The following PKD1L1 variants were observed in gnomAD, a reference collection of about 807,000 sequenced individuals.
The protein encoded by PKD1L1 is polycystin-1-like protein 1.
In PKD1L1, 236 loss-of-function variants were observed where a neutral mutation model predicts 323.4. That is an observed-to-expected ratio of 0.73 (90% confidence interval 0.66 to 0.81). PKD1L1 has a LOEUF of 0.81. PKD1L1 is among the 40% of genes least tolerant of loss of function. The pLI is 0.00. For synonymous variants in PKD1L1, 1,344 were observed against 1,335.0 expected, an observed-to-expected ratio of 1.01 and a Z score of -0.15; for missense variants, 3,320 against 3,508.0, an observed-to-expected ratio of 0.95 and a Z score of 1.35.
chr7:47,934,299 T>C (rs1787826666), intron 4 of PKD1L1, among the ~76,000 whole-genome samples: 1 of 152,072 alleles, frequency 6.6e-6, no homozygotes, highest in African/African-American at 2.4e-5. Flanking sequence ...AACACAAACA[T>C]GCGTGGACCT....
In PKD1L1 at chr7:47,806,953, C is replaced by T. The variant is rs1901794; in HGVS notation, c.7827+1294G>A. Among the ~76,000 whole-genome samples, 1,111 of 152,078 alleles carry T rather than the reference C, an allele frequency of 7.3e-3. 15 individuals carry two copies. Among genetic ancestry groups the T allele is most frequent in the African/African-American group, 0.026 (1,064 of 41,478 alleles). On this transcript the variant is annotated intron_variant, in intron 52 of 56. Coordinates refer to ENST00000289672, the MANE Select transcript of PKD1L1 (RefSeq NM_138295.5). ...TCCAGGCTCTCTGAACTGGTGCAAGCGGGACACACACAGACAGGATTCTGT... is the reference window on the plus strand; with the variant it reads ...TCCAGGCTCTCTGAACTGGTGCAAGTGGGACACACACAGACAGGATTCTGT...
intron 44 of PKD1L1, 138 bp downstream of exon 44, chr7:47,829,287 C>A (rs376363071): frequency 2.5e-6 from 2 of 799,412 alleles, no homozygotes; most frequent in Admixed American, 6.4e-5. Context: ...TGCAAAGAAG[C>A]ATAAGAAATT....
In PKD1L1 at chr7:47,893,823, T is replaced by C. The variant is rs1486098087; in HGVS notation, c.2453+55A>G. 20 of 1,549,696 alleles carry C rather than the reference T, an allele frequency of 1.3e-5. No homozygotes were observed. In the African/African-American group the frequency reaches 2.3e-4, roughly 18 times the overall value. On this transcript the variant is annotated intron_variant, in intron 15 of 56. Transcript: ENST00000289672. ...GCCTCCAACGTTCCAGAGCCTGCAT[T>C]TGCAGAATGCGCGGTCTGAGTAGCT...
the PKD1L1 span, among the ~76,000 whole-genome samples, chr7:47,954,940 C>A: frequency 1.1e-4 from 17 of 152,134 alleles, no homozygotes; most frequent in African/African-American, 3.9e-4. Flanking sequence ...GTGCTACAGG[C>A]GAATAGGAAC....
intron 54 of PKD1L1, among the ~76,000 whole-genome samples, chr7:47,796,830 C>CAAAAAAAA (rs71006525): frequency 1.5e-5 from 2 of 133,620 alleles, no homozygotes; most frequent in African/African-American, 3.0e-5. Context: ...TCCTAAATTA[C>CAAAAAAAA]AAAAAAAAAA....
chr7:47,936,544 G>C (rs570799011), intron 4 of PKD1L1, among the ~76,000 whole-genome samples: 3 of 152,322 alleles, frequency 2.0e-5, no homozygotes, highest in East Asian at 3.9e-4. Flanking sequence ...TTGAGTGCTT[G>C]TACCCAGAAG....
intron 39 of PKD1L1, 68 bp from the exon 40 acceptor site, chr7:47,834,453 T>A: frequency 7.4e-7 from 1 of 1,346,350 alleles, no homozygotes; most frequent in East Asian, 2.3e-5. Flanking sequence ...GGGATATGTT[T>A]AAGGATTAGC....
At chr7:47,932,292 T>G (rs1229722402) in intron 4 of PKD1L1, among the ~76,000 whole-genome samples, 1 of 151,740 alleles carries the variant, frequency 6.6e-6, no homozygotes, top group Non-Finnish European at 1.5e-5. Flanking sequence ...TTAGGTAGAG[T>G]AGAGCTTATT....
At chr7:47,875,944 C>T (rs1369440171) in intron 23 of PKD1L1, among the ~76,000 whole-genome samples, 153 bp downstream of exon 23, 2 of 152,128 alleles carry the variant, frequency 1.3e-5, no homozygotes, top group Non-Finnish European at 2.9e-5. Context: ...TCTTTCTGCA[C>T]TAAAAGGTAG....
At chr7:47,818,301 G>A (rs1228481232) in intron 46 of PKD1L1, 1 of 857,766 alleles carries the variant, frequency 1.2e-6, no homozygotes, top group African/African-American at 1.8e-5. Context: ...AAGAGGCAAA[G>A]GATGGCTGGA....
At chr7:47,816,022 G>A (rs146959643) in intron 46 of PKD1L1, among the ~76,000 whole-genome samples, 11 of 152,286 alleles carry the variant, frequency 7.2e-5, no homozygotes, top group African/African-American at 2.4e-4. Flanking sequence ...GAGGGCTTCC[G>A]CAAGCCTGAA....
the PKD1L1 span, among the ~76,000 whole-genome samples, chr7:47,959,870 A>G: frequency 2.0e-5 from 3 of 151,012 alleles, no homozygotes; most frequent in African/African-American, 4.8e-5. Context: ...TGGGAGGTGT[A>G]CCCAACAGCT....
At chr7:47,817,899 TAA>T in intron 46 of PKD1L1, 1 of 683,622 alleles carries the variant, frequency 1.5e-6, no homozygotes, top group Non-Finnish European at 2.1e-6. Flanking sequence ...CATGTATGAG[TAA>T]AAGTCTAGTG....
chr7:47,872,170 C>A lies in PKD1L1; in HGVS notation c.3896+1729G>T, dbSNP rs181563939. The stretch of plus-strand genomic sequence containing the variant: ...GCTTTTGTTTTGTTTTGTTTTTCTA[C>A]CCCCTGCAGCAGGAGTCTGGAGCCC... On this transcript the variant is annotated intron_variant, in intron 24 of 56. Coordinates refer to ENST00000289672, the MANE Select transcript of PKD1L1 (RefSeq NM_138295.5). Among the ~76,000 whole-genome samples the A allele has an allele frequency of 1.8e-3, 276 of 152,242 alleles. 3 individuals carry two copies. The highest frequency in any genetic ancestry group is 1.0e-3 in the South Asian group (5 of 4,818).
chr7:47,852,943 C>T (rs1335090843), intron 31 of PKD1L1, among the ~76,000 whole-genome samples, 184 bp downstream of exon 31: 1 of 152,080 alleles, frequency 6.6e-6, no homozygotes, highest in Non-Finnish European at 1.5e-5. Flanking sequence ...AAGGATGGCG[C>T]TCATCATGGG....
At chr7:47,954,618 T>G in the PKD1L1 span, among the ~76,000 whole-genome samples, 3 of 152,174 alleles carry the variant, frequency 2.0e-5, no homozygotes, top group African/African-American at 7.2e-5. Context: ...CTCTTTTCTT[T>G]ATAAATGACT....
At chr7:47,784,548 C>G (rs1242063850) in intron 56 of PKD1L1, among the ~76,000 whole-genome samples, 2 of 152,084 alleles carry the variant, frequency 1.3e-5, no homozygotes. Flanking sequence ...TCTCGGCTCA[C>G]TGCAACCTCC....
Position 47,792,634 on chromosome 7 carries a change from G to C in PKD1L1, c.8519C>G (p.Ala2840Gly). Reference sequence around the variant, plus strand: ...AATTTTGCATGGTCTTACCTCAGCAGCTTGGTAACTAGAAATGTCCACTAA... The same window carrying C: ...AATTTTGCATGGTCTTACCTCAGCACCTTGGTAACTAGAAATGTCCACTAA... ...SPLVDISSYQ[A>G]AEPADIKDF The change falls in exon 56 of 57, where the codon GCT becomes GGT. Residue 2840 changes from alanine (A) to glycine (G), a missense_variant. Ala to Gly is a moderately conservative substitution (Grantham distance 60). Coordinates refer to ENST00000289672, the MANE Select transcript of PKD1L1 (RefSeq NM_138295.5). The C allele has an allele frequency of 6.2e-7, 1 of 1,612,056 alleles. No homozygotes were observed. The highest frequency in any genetic ancestry group is 8.5e-7 in the Non-Finnish European group (1 of 1,178,774).
chr7:47,876,385 G>A (rs984730368), intron 22 of PKD1L1, among the ~76,000 whole-genome samples, 168 bp from the exon 23 acceptor site: 10 of 152,110 alleles, frequency 6.6e-5, no homozygotes, highest in African/African-American at 2.2e-4. Context: ...AGAGCCCTGG[G>A]CCCTGCAGGG....
Sources: gnomAD v4.1 joint callset for allele counts (sites outside exome capture counted in the v4.1 genomes callset) on GRCh38, gnomAD v4.1.1 for gene constraint, MANE v1.5 for transcripts, NCBI Gene and HGNC (gene_info 2026-07-23, HGNC 2026-07-21) for gene names.